The following VPS13B variants were observed in gnomAD, a reference collection of about 807,000 sequenced individuals.
VPS13B encodes intermembrane lipid transfer protein VPS13B.
Under a neutral mutation model 426.4 loss-of-function variants are expected in VPS13B, and 285 were observed. The ratio of observed to expected loss-of-function variants is 0.67; its 90% CI spans 0.61 to 0.74. VPS13B has a LOEUF of 0.74. VPS13B is among the 30% of genes least tolerant of loss of function. The probability of loss-of-function intolerance (pLI) is 0.00; values close to 1 mark genes in which losing one functional copy is unlikely to be tolerated. For synonymous variants in VPS13B, 1,676 were observed against 1,676.4 expected, an observed-to-expected ratio of 1.00 and a Z score of 0.01; for missense variants, 4,537 against 4,782.6, an observed-to-expected ratio of 0.95 and a Z score of 1.51.
intron 2 of VPS13B, among the ~76,000 whole-genome samples, chr8:99,026,907 C>T (rs1015897052): frequency 2.6e-5 from 4 of 152,076 alleles, no homozygotes; most frequent in Non-Finnish European, 5.9e-5. Flanking sequence ...GACGGAGTCT[C>T]ACTCTGTCAC....
At chr8:99,382,185 G>A (rs1813852078) in intron 19 of VPS13B, among the ~76,000 whole-genome samples, 1 of 151,930 alleles carries the variant, frequency 6.6e-6, no homozygotes, top group Admixed American at 6.6e-5. Flanking sequence ...ATTGGTTTAT[G>A]TGTCTGCTTT....
At chr8:99,684,987 G>A (rs1274770875) in intron 35 of VPS13B, among the ~76,000 whole-genome samples, 2 of 152,268 alleles carry the variant, frequency 1.3e-5, no homozygotes, top group Non-Finnish European at 1.5e-5. Context: ...ATTTTTAGTA[G>A]AGATGGGGTT....
chr8:99,297,373 A>T (rs1220207899), intron 19 of VPS13B, among the ~76,000 whole-genome samples: 3 of 151,024 alleles, frequency 2.0e-5, no homozygotes, highest in Non-Finnish European at 4.4e-5. Flanking sequence ...AATCCTTGTA[A>T]TCACATTTGT....
At chr8:99,790,128 G>A (rs186715616) in intron 43 of VPS13B, among the ~76,000 whole-genome samples, 153 of 152,116 alleles carry the variant, frequency 1.0e-3, no homozygotes, top group African/African-American at 3.5e-3. Context: ...ACAAACTATT[G>A]CAATAGTTTT....
At chr8:99,502,804 G>C (rs1406317040) in intron 26 of VPS13B, 32 bp from the exon 27 acceptor site, 2 of 1,427,306 alleles carry the variant, frequency 1.4e-6, no homozygotes, top group Non-Finnish European at 2.0e-6. Flanking sequence ...TGTGAAGACT[G>C]TGTTGATATT....
At chr8:99,442,723 G>T in intron 23 of VPS13B, 88 bp downstream of exon 23, 1 of 1,322,220 alleles carries the variant, frequency 7.6e-7, no homozygotes. Context: ...CAGTGTATAA[G>T]CAAATCAGTC....
At chr8:99,604,900 A>G (rs1357159626) in intron 33 of VPS13B, among the ~76,000 whole-genome samples, 1 of 152,184 alleles carries the variant, frequency 6.6e-6, no homozygotes, top group Non-Finnish European at 1.5e-5. Flanking sequence ...TCTTCTGTTC[A>G]AGGGATTTGT....
intron 43 of VPS13B, among the ~76,000 whole-genome samples, chr8:99,803,277 G>T (rs16897708): frequency 0.043 from 6,611 of 152,202 alleles, 152 homozygotes; most frequent in African/African-American, 0.053. Context: ...GTAAGAGGTT[G>T]TTTCATGCTA....
chr8:99,481,315 G>C (rs1013631634), intron 24 of VPS13B, among the ~76,000 whole-genome samples: 2 of 152,120 alleles, frequency 1.3e-5, no homozygotes, highest in African/African-American at 4.8e-5. Flanking sequence ...GCATTTGTAT[G>C]TGTTCTATTG....
At chr8:99,328,841 T>C (rs2133149030) in intron 19 of VPS13B, among the ~76,000 whole-genome samples, 1 of 152,254 alleles carries the variant, frequency 6.6e-6, no homozygotes, top group Non-Finnish European at 1.5e-5. Flanking sequence ...AATTCATACA[T>C]CTGAAAATTC....
At chr8:99,089,739 G>T (rs191524623) in intron 3 of VPS13B, among the ~76,000 whole-genome samples, 1 of 152,194 alleles carries the variant, frequency 6.6e-6, no homozygotes, top group African/African-American at 2.4e-5. Flanking sequence ...ACTTAAAAAG[G>T]TGCCAGACTC....
At chr8:99,540,049 A>T (rs1346207912) in intron 30 of VPS13B, among the ~76,000 whole-genome samples, 6 of 5,328 alleles carry the variant, frequency 1.1e-3, no homozygotes, top group Non-Finnish European at 1.3e-3. Context: ...ATATATATAT[A>T]TATATATATA....
At chr8:99,545,946 T>A (rs1175842166) in intron 30 of VPS13B, among the ~76,000 whole-genome samples, 1 of 152,006 alleles carries the variant, frequency 6.6e-6, no homozygotes, top group Non-Finnish European at 1.5e-5. Context: ...TGATTGATAC[T>A]TTTCCTTAAA....
At chr8:99,609,401 A>G (rs1210743614) in intron 33 of VPS13B, among the ~76,000 whole-genome samples, 1 of 152,178 alleles carries the variant, frequency 6.6e-6, no homozygotes, top group Non-Finnish European at 1.5e-5. Flanking sequence ...CAAAAATGCT[A>G]ATTTTTGCTT....
In VPS13B at chr8:99,057,968, G is replaced by T. The variant is rs11774527; in HGVS notation, c.291+19402G>T. On this transcript the variant is annotated intron_variant, in intron 3 of 61. Transcript: ENST00000357162. ...TCATTTCCTCAAAACTTCTTTTCTA[G>T]TTCAGTGATTTTCTCAGATCATAAA... 7.2e-5 allele frequency among the ~76,000 whole-genome samples: 11 copies of T among 151,986 alleles called. 1 individual carries two copies. Among genetic ancestry groups the T allele is most frequent in the Non-Finnish European group, 1.3e-4 (9 of 67,986 alleles).
chr8:99,574,979 C>T (rs751550624), intron 31 of VPS13B, among the ~76,000 whole-genome samples: 6 of 151,934 alleles, frequency 3.9e-5, no homozygotes, highest in Admixed American at 6.6e-5. Context: ...GCCTGGGCAA[C>T]GTGAGGAGAC....
intron 22 of VPS13B, among the ~76,000 whole-genome samples, chr8:99,438,670 A>T (rs1381200041): frequency 6.6e-6 from 1 of 152,170 alleles, no homozygotes; most frequent in Non-Finnish European, 1.5e-5. Flanking sequence ...ATGGCCCCAA[A>T]TCAGGGATAT....
chr8:99,657,603 T>A (rs572073790), intron 34 of VPS13B, among the ~76,000 whole-genome samples: 36 of 152,200 alleles, frequency 2.4e-4, no homozygotes, highest in South Asian at 8.3e-4. Flanking sequence ...TATATGAGAG[T>A]CACACCATTC....
intron 17 of VPS13B, among the ~76,000 whole-genome samples, chr8:99,270,976 G>A (rs1233611975): frequency 6.6e-6 from 1 of 151,992 alleles, no homozygotes; most frequent in Non-Finnish European, 1.5e-5. Context: ...TCTGACTTGG[G>A]CCTTTGCAAA....
Sources: allele counts gnomAD v4.1 joint callset (sites outside exome capture counted in the v4.1 genomes callset), GRCh38; gene constraint gnomAD v4.1.1; transcripts MANE v1.5; gene names NCBI Gene and HGNC (gene_info 2026-07-23, HGNC 2026-07-21).